PTPRH: variants seen among roughly 807,000 people sequenced by gnomAD.
PTPRH encodes the protein receptor-type tyrosine-protein phosphatase H.
PTPRH carries 113 observed loss-of-function variants against 130.2 expected under a neutral mutation model. The observed-to-expected ratio is 0.87, with a 90% CI of 0.75 to 1.01. PTPRH has a LOEUF of 1.01. Among genes scored for constraint, PTPRH ranks in the 50% least tolerant of loss-of-function variants. The pLI is 0.00. For synonymous variants in PTPRH, 556 were observed against 577.9 expected, an observed-to-expected ratio of 0.96 and a Z score of 0.54; for missense variants, 1,430 against 1,425.0, an observed-to-expected ratio of 1.00 and a Z score of -0.06.
intron 7 of PTPRH, among the ~76,000 whole-genome samples, chr19:55,199,763 GAGAAAGAA>G (rs1183927656): frequency 6.8e-6 from 1 of 146,914 alleles, no homozygotes; most frequent in Non-Finnish European, 1.5e-5. Flanking sequence ...GAAAGAGAAA[GAGAAAGAA>G]AGAAAGAGAG....
At chr19:55,187,377 AAAAAG>A (rs2086389101) in intron 14 of PTPRH, 131 bp downstream of exon 14, 1 of 470,742 alleles carries the variant, frequency 2.1e-6, no homozygotes, top group Non-Finnish European at 3.6e-6. Flanking sequence ...AAGAAAAAAA[AAAAAG>A]GAAGAAAAAA....
Position 55,198,663 on chromosome 19 carries a change from C to A in PTPRH, c.1670G>T (p.Ser557Ile). ...CTCACCAGTGGCTGCAGTGAGGGTGCTGTTATAGCCTCTGACCTCATTCCT... is the reference window on the plus strand; with the variant it reads ...CTCACCAGTGGCTGCAGTGAGGGTGATGTTATAGCCTCTGACCTCATTCCT... ...AERNEVRGYNSTLTAATAPNE... is the reference protein window; with the variant it reads ...AERNEVRGYNITLTAATAPNE... Residue 557 changes from serine (S) to isoleucine (I), a missense_variant, in exon 8 of 20, where the codon AGC (serine) becomes ATC (isoleucine). Physicochemically the swap from Ser to Ile is moderately radical, Grantham distance 142 (BLOSUM62 -2). Transcript: ENST00000376350. 1.2e-6 allele frequency: 2 copies of A among 1,607,566 alleles called. No homozygotes were observed. Among genetic ancestry groups the A allele is most frequent in the Non-Finnish European group, 1.7e-6 (2 of 1,176,236 alleles).
chr19:55,196,893 A>T, intron 9 of PTPRH, 105 bp from the exon 10 acceptor site: 16 of 1,391,808 alleles, frequency 1.1e-5, no homozygotes, highest in Admixed American at 2.3e-5. Flanking sequence ...TTCCTCGCCA[A>T]ATCCAAACTA....
chr19:55,202,711 C>A (rs1279668615), intron 5 of PTPRH, among the ~76,000 whole-genome samples: 3 of 151,644 alleles, frequency 2.0e-5, no homozygotes, highest in African/African-American at 7.3e-5. Context: ...ATTTAATGAT[C>A]CTTTCCTTAT....
In PTPRH at chr19:55,185,832, G is replaced by A. The variant is rs369339851; in HGVS notation, c.2901+30C>T. ...ATGGCATATGTCACAGGGGAAGGCT[G>A]AGGGCCAGGACGGGGCTGGACACAC... On this transcript the variant is annotated intron_variant, in intron 17 of 19. Coordinates refer to ENST00000376350, the MANE Select transcript of PTPRH (RefSeq NM_002842.5). 21 of 1,613,916 alleles carry A rather than the reference G, an allele frequency of 1.3e-5. No homozygotes were observed. In the African/African-American group the frequency reaches 2.0e-4, roughly 15 times the overall value.
chr19:55,185,891 A>G lies in PTPRH; in HGVS notation c.2872T>C (p.Trp958Arg). Residue 958 changes from tryptophan (W) to arginine (R), a missense_variant, in exon 17 of 20, where the codon TGG becomes CGG. Transcript: ENST00000376350. The part of the protein sequence containing the change: ...TLVGEEVMEN[W>R]TVRELLLLQV... ...AGGAGCAGCAGTTCCCGCACCGTCC[A>G]GTTCTCCATCACTTCCTCACCTACC... 1.2e-6 allele frequency: 2 copies of G among 1,614,150 alleles called. No individual in the cohort carries two copies. The highest frequency in any genetic ancestry group is 1.7e-6 in the Non-Finnish European group (2 of 1,180,026).
intron 13 of PTPRH, 99 bp from the exon 14 acceptor site, chr19:55,187,702 T>C: frequency 2.4e-6 from 2 of 837,348 alleles, no homozygotes; most frequent in Non-Finnish European, 4.1e-6. Context: ...CATCACCCCT[T>C]GTTTATTCGT....
intron 18 of PTPRH, among the ~76,000 whole-genome samples, chr19:55,182,924 A>G (rs2147355896): frequency 6.6e-6 from 1 of 151,780 alleles, no homozygotes; most frequent in East Asian, 2.0e-4. Flanking sequence ...CCTCCTGAGT[A>G]GCTTGGATCA....
chr19:55,198,655 T>C lies in PTPRH; in HGVS notation c.1678A>G (p.Thr560Ala), dbSNP rs1454573855. ...NEVRGYNSTL[T>A]AATAPNEVTD... ...GACTGTGTCTCACCAGTGGCTGCAG[T>C]GAGGGTGCTGTTATAGCCTCTGACC... is the stretch of plus-strand genomic sequence containing the variant. Residue 560 changes from threonine to alanine, a missense_variant, in exon 8 of 20, where the codon ACT (threonine) becomes GCT (alanine). Thr to Ala is a moderately conservative substitution (Grantham distance 58). Coordinates refer to ENST00000376350, the MANE Select transcript of PTPRH (RefSeq NM_002842.5). The C allele has an allele frequency of 1.2e-6, 2 of 1,605,612 alleles. No individual in the cohort carries two copies. Among genetic ancestry groups the C allele is most frequent in the Non-Finnish European group, 1.7e-6 (2 of 1,174,942 alleles).
intron 10 of PTPRH, among the ~76,000 whole-genome samples, chr19:55,193,638 G>A (rs779342156): frequency 6.6e-6 from 1 of 152,134 alleles, no homozygotes; most frequent in Non-Finnish European, 1.5e-5. Flanking sequence ...ACAATGCGCA[G>A]GACGGCCCCC....
chr19:55,196,605 C>G lies in PTPRH; in HGVS notation c.2174G>C (p.Arg725Pro). ...GGTCGTGATGGTGGCTGGGTAGGAC[C>G]GAGCCGGCCCGAGACCCAACACAGA... ...AVSVLGLGPARSYPATITTIW... is the reference protein window; with the variant it reads ...AVSVLGLGPAPSYPATITTIW... The change falls in exon 10 of 20, where the codon CGG (arginine) becomes CCG (proline). Residue 725 changes from arginine to proline, a missense_variant. Transcript: ENST00000376350. The G allele has an allele frequency of 3.7e-6, 6 of 1,613,752 alleles. No individual in the cohort carries two copies. The highest frequency in any genetic ancestry group is 5.1e-6 in the Non-Finnish European group (6 of 1,179,966).
At chr19:55,201,363 C>T (rs565966017) in intron 6 of PTPRH, among the ~76,000 whole-genome samples, 3 of 152,126 alleles carry the variant, frequency 2.0e-5, no homozygotes, top group Admixed American at 1.3e-4. Context: ...GATGACAAAG[C>T]GAGACTCCAG....
rs1238397675 is a variant in PTPRH, at chr19:55,181,909, A to G, written c.3199-6T>C. On this transcript the variant is annotated splice_region_variant and splice_polypyrimidine_tract_variant and intron_variant, in intron 19 of 19. Transcript: ENST00000376350. ...TGCAGGAATACGTACTGAGCCTGGG[A>G]AGCAGGCACGGGAGTGAGAGGCGTC... 1 of 1,614,016 alleles carries G rather than the reference A, an allele frequency of 6.2e-7. No homozygotes were observed.
intron 12 of PTPRH, 127 bp downstream of exon 12, chr19:55,191,374 C>T: frequency 1.8e-6 from 2 of 1,109,174 alleles, no homozygotes; most frequent in Non-Finnish European, 2.7e-6. Context: ...GTCGCAGAGG[C>T]ATGGGCCCCT....
chr19:55,184,001 A>T (rs2086248996), intron 18 of PTPRH, among the ~76,000 whole-genome samples: 1 of 151,254 alleles, frequency 6.6e-6, no homozygotes, highest in South Asian at 2.1e-4. Flanking sequence ...TGGGGAGGAC[A>T]TTGCCGGGCA....
chr19:55,188,804 AC>A (rs2086441901), intron 12 of PTPRH, among the ~76,000 whole-genome samples: 1 of 151,992 alleles, frequency 6.6e-6, no homozygotes, highest in South Asian at 2.1e-4. Flanking sequence ...GTTCCGGAAC[AC>A]CCAGCCCTGG....
intron 4 of PTPRH, 25 bp from the exon 5 acceptor site, chr19:55,204,073 A>T: frequency 6.3e-7 from 1 of 1,598,700 alleles, no homozygotes; most frequent in South Asian, 1.1e-5. Context: ...AGAAAGATCT[A>T]ATATGAGCAG....
chr19:55,209,035 G>A lies in PTPRH; in HGVS notation c.51+348C>T, dbSNP rs2087160256. ...TGGACTCTTGGTTTGAGGGAGGAGGGGCTGCTTCCTGTCCGTGAGCACAGC... is the reference window on the plus strand; with the variant it reads ...TGGACTCTTGGTTTGAGGGAGGAGGAGCTGCTTCCTGTCCGTGAGCACAGC... On this transcript the variant is annotated intron_variant, in intron 1 of 19. Coordinates refer to ENST00000376350, the MANE Select transcript of PTPRH (RefSeq NM_002842.5). This position sits in a 1 kb window ranked among gnomAD's most constrained non-coding sequence, Gnocchi z 4.1. Among the ~76,000 whole-genome samples, 1 of 151,918 alleles carries A rather than the reference G, an allele frequency of 6.6e-6. No individual in the cohort carries two copies. The highest frequency in any genetic ancestry group is 2.1e-4 in the South Asian group (1 of 4,822).
At position 55,198,784 on chromosome 19, in the gene PTPRH, T is replaced by C; in HGVS notation, c.1549A>G (p.Met517Val). 1 of 1,613,762 alleles carries C rather than the reference T, an allele frequency of 6.2e-7. No homozygotes were observed. Among genetic ancestry groups the C allele is most frequent in the Non-Finnish European group, 8.5e-7 (1 of 1,179,828 alleles). The change falls in exon 8 of 20, where the codon ATG becomes GTG. Residue 517 changes from methionine to valine, a missense_variant. Coordinates refer to ENST00000376350, the MANE Select transcript of PTPRH (RefSeq NM_002842.5). ...GTGCTTTGGGTCCTGGGGTCAGTCA[T>C]GCCTTCCCTGACCCATGAGACCCAG... ...SYWVSWVREG[M>V]TDPRTQSTSG...
Sources: gnomAD v4.1 joint callset for allele counts (sites outside exome capture counted in the v4.1 genomes callset) on GRCh38, gnomAD v4.1.1 for gene constraint, Gnocchi (gnomAD v3.1) non-coding constraint, MANE v1.5 for transcripts, NCBI Gene and HGNC (gene_info 2026-07-23, HGNC 2026-07-21) for gene names.